KCNJ10: variants seen among roughly 807,000 people sequenced by gnomAD.
KCNJ10 encodes potassium inwardly rectifying channel subfamily J member 10.
Under a neutral mutation model 22.2 loss-of-function variants are expected in KCNJ10, and 9 were observed. The ratio of observed to expected loss-of-function variants is 0.40; its 90% CI spans 0.24 to 0.71. KCNJ10 has a LOEUF of 0.71. KCNJ10 is among the 30% of genes least tolerant of loss of function. The pLI is 0.35. For missense variants in KCNJ10, 337 were observed against 482.7 expected (o/e 0.70, Z 2.83); for synonymous variants, 184 against 187.3 (o/e 0.98, Z 0.15).
At chr1:160,052,227 C>T (rs899862291) in intron 1 of KCNJ10, among the ~76,000 whole-genome samples, 1 of 152,172 alleles carries the variant, frequency 6.6e-6, no homozygotes, top group East Asian at 1.9e-4. Context: ...CCTACTATAG[C>T]TATTAACTAA....
intron 1 of KCNJ10, among the ~76,000 whole-genome samples, chr1:160,048,284 C>T (rs1351432899): frequency 7.2e-6 from 1 of 138,058 alleles, no homozygotes; most frequent in South Asian, 2.4e-4. Context: ...CTTCAGAGTG[C>T]GAGGGGACCC....
chr1:160,043,242 T>C (rs778808722), intron 1 of KCNJ10, among the ~76,000 whole-genome samples: 1 of 149,134 alleles, frequency 6.7e-6, no homozygotes, highest in African/African-American at 2.5e-5. Context: ...AGCTATCCTG[T>C]TGAAATCCTT....
chr1:160,057,731 G>A (rs1649074238), intron 1 of KCNJ10, among the ~76,000 whole-genome samples: 1 of 152,206 alleles, frequency 6.6e-6, no homozygotes, highest in Admixed American at 6.5e-5. Flanking sequence ...AAACTAGGGA[G>A]GGTATGATGA....
At chr1:160,062,886 A>G (rs1649236009) in intron 1 of KCNJ10, among the ~76,000 whole-genome samples, 1 of 152,020 alleles carries the variant, frequency 6.6e-6, no homozygotes, top group South Asian at 2.1e-4. Context: ...CTTCTTTGAG[A>G]TCTCCACCTG....
intron 1 of KCNJ10, among the ~76,000 whole-genome samples, chr1:160,045,750 A>G (rs1648729272): frequency 6.6e-6 from 1 of 152,208 alleles, no homozygotes; most frequent in African/African-American, 2.4e-5. Flanking sequence ...ATGAGAAATG[A>G]TTGAAGGAAA....
chr1:160,050,237 G>A (rs1192227855), intron 1 of KCNJ10, among the ~76,000 whole-genome samples: 1 of 151,702 alleles, frequency 6.6e-6, no homozygotes, highest in Non-Finnish European at 1.5e-5. Flanking sequence ...GGGCTCAAGT[G>A]ATTCTACTAC....
At chr1:160,047,297 C>T (rs993937087) in intron 1 of KCNJ10, among the ~76,000 whole-genome samples, 4 of 152,346 alleles carry the variant, frequency 2.6e-5, no homozygotes, top group Admixed American at 2.6e-4. Context: ...TCCTGGGTTT[C>T]TCTTCCTCAA....
At chr1:160,045,841 G>A (rs771847854) in intron 1 of KCNJ10, among the ~76,000 whole-genome samples, 1 of 152,220 alleles carries the variant, frequency 6.6e-6, no homozygotes, top group Non-Finnish European at 1.5e-5. Context: ...GGACTATCAC[G>A]TGATCAAAGG....
At chr1:160,057,670 C>A (rs1649073444) in intron 1 of KCNJ10, among the ~76,000 whole-genome samples, 1 of 152,180 alleles carries the variant, frequency 6.6e-6, no homozygotes, top group Non-Finnish European at 1.5e-5. Flanking sequence ...AGATAATGTT[C>A]TTGGGCTGAA....
chr1:160,055,197 C>T (rs1370287176), intron 1 of KCNJ10, among the ~76,000 whole-genome samples: 1 of 152,180 alleles, frequency 6.6e-6, no homozygotes, highest in Non-Finnish European at 1.5e-5. Flanking sequence ...GTAAAAATAA[C>T]AGTAACAATC....
Position 160,038,515 on chromosome 1 carries a change from C to G in KCNJ10, c.*2878G>C, listed in dbSNP as rs1191572541. On this transcript the variant is annotated 3_prime_UTR_variant, in exon 2 of 2. Coordinates refer to ENST00000644903, the MANE Select transcript of KCNJ10 (RefSeq NM_002241.5). ...ACTTGAAATCCTTCATCAGCTATCT[C>G]ACTTCCATGTTGAAACCAGGACCAC... 1.3e-5 allele frequency: 2 copies of G among 152,190 alleles called. No individual in the cohort carries two copies. Among genetic ancestry groups the G allele is most frequent in the Non-Finnish European group, 1.5e-5 (1 of 68,038 alleles). The allele number at this position is 152,190 out of a possible 1,614,324, so 9.4% of individuals were successfully genotyped here.
chr1:160,057,809 A>G (rs1159387000), intron 1 of KCNJ10, among the ~76,000 whole-genome samples: 1 of 152,066 alleles, frequency 6.6e-6, no homozygotes. Context: ...GGGGAGGCTG[A>G]CCAGATCCCA....
rs1571271598 is a variant in KCNJ10, at chr1:160,054,614, G to A, written c.1-12082C>T. On this transcript the variant is annotated intron_variant, in intron 1 of 1. Transcript: ENST00000644903. The stretch of plus-strand genomic sequence containing the variant: ...TAGGGAAAATCTCAAGAGGATCCGA[G>A]CTAGGTTAGGGAGAGTCAAGGTGAT... Among the ~76,000 whole-genome samples the A allele has an allele frequency of 2.6e-5, 4 of 152,332 alleles. No homozygotes were observed. In the South Asian group the frequency reaches 8.3e-4, roughly 32 times the overall value.
rs1648547398 is a variant in KCNJ10 at position 160,039,251 on chromosome 1, A to T, written c.*2142T>A. 6.6e-6 allele frequency: 1 copy of T among 152,604 alleles called. No homozygotes were observed. Among genetic ancestry groups the T allele is most frequent in the African/African-American group, 2.4e-5 (1 of 41,428 alleles). The allele number at this position is 152,604 out of a possible 1,614,324, so 9.5% of individuals were successfully genotyped here. A position where few individuals can be genotyped will look rare whatever the true frequency, so the allele number is the denominator to read the frequency against. ...GAAAATGTTTTCTTCTCACTGTTTC[A>T]TCCAAGAGTCTAGAGGCTTGAGTCT... On this transcript the variant is annotated 3_prime_UTR_variant, in exon 2 of 2. Coordinates refer to ENST00000644903, the MANE Select transcript of KCNJ10 (RefSeq NM_002241.5).
intron 1 of KCNJ10, among the ~76,000 whole-genome samples, chr1:160,056,193 C>T (rs1201093274): frequency 2.6e-5 from 4 of 152,168 alleles, no homozygotes; most frequent in Non-Finnish European, 5.9e-5. Flanking sequence ...GGTTCTCTTG[C>T]ACCCAGGCTC....
chr1:160,054,791 G>T (rs1340093341), intron 1 of KCNJ10, among the ~76,000 whole-genome samples: 5 of 152,132 alleles, frequency 3.3e-5, no homozygotes, highest in Non-Finnish European at 7.3e-5. Context: ...GATCAACCTA[G>T]TTTAGGTACC....
At chr1:160,056,915 C>A (rs1649055422) in intron 1 of KCNJ10, among the ~76,000 whole-genome samples, 1 of 152,156 alleles carries the variant, frequency 6.6e-6, no homozygotes, top group African/African-American at 2.4e-5. Context: ...TACAGAGAGT[C>A]ATTTTCAATC....
At position 160,042,216 on chromosome 1, in the gene KCNJ10, G is replaced by A. The variant is rs1449269925; in HGVS notation, c.317C>T (p.Thr106Ile). ...TGTGTGCACCTGTACCACACAGGGGGTGTGGTTGGCCGGGGGGTCCAGCTC... is the reference window on the plus strand; with the variant it reads ...TGTGTGCACCTGTACCACACAGGGGATGTGGTTGGCCGGGGGGTCCAGCTC... ...LLELDPPANH[T>I]PCVVQVHTLT... The change falls in exon 2 of 2, where the codon ACC (threonine) becomes ATC (isoleucine). Residue 106 changes from threonine (T) to isoleucine (I), a missense_variant. Thr to Ile is a moderately conservative substitution (Grantham distance 89). Around this residue, in one of 3 missense-constraint regions of KCNJ10, gnomAD observed 165 missense variants for 281.5 expected, o/e 0.59. Transcript: ENST00000644903. The A allele has an allele frequency of 5.0e-6, 8 of 1,613,620 alleles. No individual in the cohort carries two copies. The East Asian group carries it at 6.7e-5, about 13-fold the overall frequency.
At chr1:160,064,403 A>G (rs1649266696) in intron 1 of KCNJ10, among the ~76,000 whole-genome samples, 1 of 152,278 alleles carries the variant, frequency 6.6e-6, no homozygotes, top group Non-Finnish European at 1.5e-5. Context: ...GTCTTTGATT[A>G]AGCCAGATGT....
Sources: gnomAD v4.1 joint callset for allele counts (sites outside exome capture counted in the v4.1 genomes callset) on GRCh38, gnomAD v4.1.1 for gene constraint, gnomAD v4.1.1 regional missense constraint, MANE v1.5 for transcripts, NCBI Gene and HGNC (gene_info 2026-07-23, HGNC 2026-07-21) for gene names.